Variants in GCNT2 observed in about 807,000 individuals in gnomAD.
GCNT2 encodes the protein glucosaminyl (N-acetyl) transferase 2 (I blood group), also known as N-acetyllactosaminide beta-1,6-N-acetylglucosaminyl-transferase.
In GCNT2, 34 loss-of-function variants were observed where a neutral mutation model predicts 34.2. The observed-to-expected ratio is 1.00, with a 90% confidence interval of 0.76 to 1.32. The LOEUF is 1.32. GCNT2 is among the 40% of genes most tolerant of loss of function. The probability of loss-of-function intolerance (pLI) is 0.00; values close to 1 mark genes in which losing one functional copy is unlikely to be tolerated. For synonymous variants in GCNT2, 212 were observed against 188.0 expected (o/e 1.13, Z -1.04); for missense variants, 584 against 489.4 (o/e 1.19, Z -1.82).
rs930113793 is a variant in GCNT2 at position 10,572,973 on chromosome 6, A to C, written c.925+43137A>C. On this transcript the variant is annotated intron_variant, in intron 3 of 4. Transcript: ENST00000495262. Reference sequence around the variant, plus strand: ...CTGCCCTAACAAACGGTCTAAACTCAGGCAAATGGCCGGCTCTGTGGGAAA... The same window carrying C: ...CTGCCCTAACAAACGGTCTAAACTCCGGCAAATGGCCGGCTCTGTGGGAAA... Among the ~76,000 whole-genome samples, 8 of 152,334 alleles carry C rather than the reference A, an allele frequency of 5.3e-5. No homozygotes were observed. In the East Asian group the frequency reaches 1.5e-3, roughly 29 times the overall value.
intron 4 of GCNT2, among the ~76,000 whole-genome samples, chr6:10,625,652 T>C (rs1766227139): frequency 6.6e-6 from 1 of 152,102 alleles, no homozygotes. Flanking sequence ...CCCATAAAGA[T>C]CTCTCCCACC....
rs114691812 is a variant in GCNT2, at chr6:10,585,923, A to G, written c.926-35428A>G. The G allele has an allele frequency of 4.5e-4, 717 of 1,599,122 alleles. 5 individuals carry two copies. The African/African-American group carries it at 8.7e-3, about 20-fold the overall frequency. ...AAGACTGGCAAGAGAAGCAAATTCA[A>G]CCTCTCACACCGATCATTTCTCATT... On this transcript the variant is annotated intron_variant, in intron 3 of 4. Coordinates refer to ENST00000495262, the MANE Select transcript of GCNT2 (RefSeq NM_145649.5).
At chr6:10,604,228 A>G (rs1765215011) in intron 3 of GCNT2, among the ~76,000 whole-genome samples, 1 of 152,114 alleles carries the variant, frequency 6.6e-6, no homozygotes, top group African/African-American at 2.4e-5. Flanking sequence ...ACTTGTAGGT[A>G]TTAGATTTCA....
At chr6:10,536,549 T>A (rs903117395) in intron 3 of GCNT2, among the ~76,000 whole-genome samples, 1 of 151,220 alleles carries the variant, frequency 6.6e-6, no homozygotes, top group Non-Finnish European at 1.5e-5. Flanking sequence ...AGAGACGGGG[T>A]TTCACCATGT....
intron 3 of GCNT2, among the ~76,000 whole-genome samples, chr6:10,620,802 T>C (rs1766003386): frequency 6.6e-6 from 1 of 152,216 alleles, no homozygotes; most frequent in African/African-American, 2.4e-5. Flanking sequence ...TGAAAAACAC[T>C]TAGCACAGTG....
At chr6:10,607,918 CAGTT>C (rs1395647997) in intron 3 of GCNT2, among the ~76,000 whole-genome samples, 7 of 152,088 alleles carry the variant, frequency 4.6e-5, no homozygotes, top group South Asian at 2.1e-4. Context: ...AGTGGTCTCA[CAGTT>C]AGTAATTGAC....
intron 3 of GCNT2, among the ~76,000 whole-genome samples, chr6:10,534,959 G>A (rs1356765297): frequency 2.6e-5 from 4 of 152,144 alleles, no homozygotes; most frequent in Non-Finnish European, 4.4e-5. Flanking sequence ...TGAGGTGGGC[G>A]GATCACCTGA....
chr6:10,542,893 C>CTTTT (rs869251646), intron 3 of GCNT2, among the ~76,000 whole-genome samples: 6,346 of 81,752 alleles, frequency 0.078, 131 homozygotes, highest in Middle Eastern at 0.1. Context: ...TATGTTAATT[C>CTTTT]TTTTTTTTTT....
intron 3 of GCNT2, among the ~76,000 whole-genome samples, chr6:10,530,689 A>G (rs1042498633): frequency 6.6e-6 from 1 of 151,668 alleles, no homozygotes; most frequent in African/African-American, 2.4e-5. Context: ...TGGGCAACAT[A>G]GTGAGACACT....
At chr6:10,566,521 T>C (rs1286432696) in intron 3 of GCNT2, among the ~76,000 whole-genome samples, 6 of 152,212 alleles carry the variant, frequency 3.9e-5, no homozygotes, top group African/African-American at 1.4e-4. Context: ...CTTGAACTCC[T>C]GGCCTCAAGT....
At chr6:10,597,037 G>A (rs895576941) in intron 3 of GCNT2, among the ~76,000 whole-genome samples, 1 of 151,966 alleles carries the variant, frequency 6.6e-6, no homozygotes, top group African/African-American at 2.4e-5. Flanking sequence ...CTACTTAACA[G>A]CTTGTCAGTC....
intron 3 of GCNT2, among the ~76,000 whole-genome samples, chr6:10,604,895 A>G (rs1472953834): frequency 6.6e-6 from 1 of 151,198 alleles, no homozygotes; most frequent in Non-Finnish European, 1.5e-5. Flanking sequence ...AAAATGTATT[A>G]TCTTTATAAA....
chr6:10,592,004 A>G (rs567529447), intron 3 of GCNT2, among the ~76,000 whole-genome samples: 29 of 152,310 alleles, frequency 1.9e-4, no homozygotes, highest in South Asian at 1.2e-3. Context: ...AGTTTCTAGG[A>G]CCACAAAGGA....
At chr6:10,594,751 C>T (rs1000194516) in intron 3 of GCNT2, among the ~76,000 whole-genome samples, 1 of 152,138 alleles carries the variant, frequency 6.6e-6, no homozygotes, top group Non-Finnish European at 1.5e-5. Context: ...GATGTCTATG[C>T]CATGGCTCAC....
Position 10,528,959 on chromosome 6 carries a change from T to C in GCNT2, c.48T>C (p.Ser16=). Residue 16 remains serine (S), a synonymous_variant, in exon 3 of 5, where the codon TCT becomes TCC. Transcript: ENST00000495262. ...GTCTTTTTAGCGCGTCTCTTATCTC[T>C]GCCCTGATTTTTGTATTTGTTTACA... is the stretch of plus-strand genomic sequence containing the variant. The part of the protein sequence containing the change: ...KHCLFSASLI[S]ALIFVFVYNT... 4 of 1,614,000 alleles carry C rather than the reference T, an allele frequency of 2.5e-6. No individual in the cohort carries two copies. Among genetic ancestry groups the C allele is most frequent in the Non-Finnish European group, 3.4e-6 (4 of 1,179,846 alleles).
chr6:10,532,511 C>T (rs983413898), intron 3 of GCNT2, among the ~76,000 whole-genome samples: 2 of 152,190 alleles, frequency 1.3e-5, no homozygotes, highest in African/African-American at 4.8e-5. Flanking sequence ...CTCACGGCCT[C>T]AACCTCCCAA....
At chr6:10,586,441 TC>T in intron 3 of GCNT2, 1 of 1,614,206 alleles carries the variant, frequency 6.2e-7, no homozygotes, top group Non-Finnish European at 8.5e-7. Context: ...CAAAATGCTT[TC>T]ATTGCTTCAA....
intron 3 of GCNT2, among the ~76,000 whole-genome samples, chr6:10,570,400 T>C (rs1258540354): frequency 6.6e-6 from 1 of 152,226 alleles, no homozygotes; most frequent in Non-Finnish European, 1.5e-5. Context: ...TTTTGTGAAA[T>C]GTATTCTCCC....
At chr6:10,604,673 C>T (rs1322575844) in intron 3 of GCNT2, among the ~76,000 whole-genome samples, 2 of 151,942 alleles carry the variant, frequency 1.3e-5, no homozygotes, top group Non-Finnish European at 2.9e-5. Flanking sequence ...CCAGCCTGGG[C>T]AACATGGTGA....
Sources: gnomAD v4.1 joint callset for allele counts (sites outside exome capture counted in the v4.1 genomes callset) on GRCh38, gnomAD v4.1.1 for gene constraint, MANE v1.5 for transcripts, NCBI Gene and HGNC (gene_info 2026-07-23, HGNC 2026-07-21) for gene names.